TRIM44: variants seen among roughly 807,000 people sequenced by gnomAD.
The protein encoded by TRIM44 is tripartite motif-containing protein 44.
TRIM44 carries 13 observed loss-of-function variants against 37.4 expected under a neutral mutation model. The observed-to-expected ratio is 0.35, with a 90% confidence interval of 0.23 to 0.55. The LOEUF (loss-of-function observed/expected upper bound fraction) is 0.55, where lower values mean the gene tolerates loss of function less well. Ranked by LOEUF, TRIM44 falls within the 20% of genes least tolerant of loss-of-function variation. The pLI, the probability that TRIM44 is intolerant of heterozygous loss-of-function variation, is 0.89. For synonymous variants in TRIM44, 175 were observed against 157.2 expected (o/e 1.11, Z -0.85); for missense variants, 426 against 437.2 (o/e 0.97, Z 0.23).
At chr11:35,758,063 T>C (rs575728545) in intron 4 of TRIM44, among the ~76,000 whole-genome samples, 1 of 152,328 alleles carries the variant, frequency 6.6e-6, no homozygotes, top group Admixed American at 6.5e-5. Flanking sequence ...TTGCTAACTT[T>C]CTGTCTCGTT....
intron 1 of TRIM44, among the ~76,000 whole-genome samples, chr11:35,684,254 C>G (rs535456074): frequency 6.6e-6 from 1 of 151,608 alleles, no homozygotes; most frequent in South Asian, 2.1e-4. Flanking sequence ...ATTTCAAAGA[C>G]CTAGCATAAA....
intron 4 of TRIM44, among the ~76,000 whole-genome samples, chr11:35,739,086 ATGT>A (rs1852360542): frequency 6.6e-6 from 1 of 152,152 alleles, no homozygotes; most frequent in Admixed American, 6.6e-5. Flanking sequence ...AGGGGACCAA[ATGT>A]TGTGCTTTTA....
intron 2 of TRIM44, among the ~76,000 whole-genome samples, chr11:35,714,731 G>T (rs1455339842): frequency 6.6e-6 from 1 of 152,178 alleles, no homozygotes; most frequent in Non-Finnish European, 1.5e-5. Context: ...CTTAAAAATA[G>T]TATAAATTCT....
At chr11:35,696,766 G>A (rs1033986759) in intron 2 of TRIM44, among the ~76,000 whole-genome samples, 1 of 151,410 alleles carries the variant, frequency 6.6e-6, no homozygotes, top group Admixed American at 6.6e-5. Flanking sequence ...AGAATTGCTT[G>A]AACCCAGGAG....
chr11:35,681,189 A>G (rs1392598257), intron 1 of TRIM44, among the ~76,000 whole-genome samples: 1 of 152,198 alleles, frequency 6.6e-6, no homozygotes, highest in Admixed American at 6.5e-5. Flanking sequence ...ATGCCAGTGA[A>G]AGAGTATAAG....
intron 2 of TRIM44, among the ~76,000 whole-genome samples, chr11:35,700,014 G>T (rs1590518704): frequency 6.6e-6 from 1 of 152,106 alleles, no homozygotes; most frequent in African/African-American, 2.4e-5. Context: ...CGTGAAAATG[G>T]CCATACTGCC....
chr11:35,755,365 T>C (rs2133855792), intron 4 of TRIM44, among the ~76,000 whole-genome samples: 1 of 152,212 alleles, frequency 6.6e-6, no homozygotes, highest in Non-Finnish European at 1.5e-5. Flanking sequence ...TGTTTTTTTC[T>C]GTAAATTTGT....
rs1490225188 is a variant in TRIM44, at chr11:35,806,936, G to A, written c.*551G>A. Reference sequence around the variant, plus strand: ...TTAAGATGGATGACTGGAAAAAGGTGTTGGAGAAAGAGTTAAAGATGAGGA... The same window carrying A: ...TTAAGATGGATGACTGGAAAAAGGTATTGGAGAAAGAGTTAAAGATGAGGA... On this transcript the variant is annotated 3_prime_UTR_variant, in exon 5 of 5. Coordinates refer to ENST00000299413, the MANE Select transcript of TRIM44 (RefSeq NM_017583.6). The A allele has an allele frequency of 6.6e-6, 1 of 152,608 alleles. No homozygotes were observed. The highest frequency in any genetic ancestry group is 6.5e-5 in the Admixed American group (1 of 15,338). 9.5% of individuals were successfully genotyped at this position (152,608 alleles called of 1,614,324 possible).
chr11:35,783,779 T>C (rs1318333005), intron 4 of TRIM44, among the ~76,000 whole-genome samples: 2 of 152,186 alleles, frequency 1.3e-5, no homozygotes, highest in African/African-American at 2.4e-5. Flanking sequence ...TCACTATGCC[T>C]ATCAGTGAAC....
intron 2 of TRIM44, among the ~76,000 whole-genome samples, chr11:35,714,432 C>G (rs576750510): frequency 2.6e-5 from 4 of 152,156 alleles, no homozygotes; most frequent in African/African-American, 9.7e-5. Context: ...GTCCTCAAAC[C>G]CCTTTCTCTA....
chr11:35,759,814 A>G (rs1010790304), intron 4 of TRIM44, among the ~76,000 whole-genome samples: 2 of 152,128 alleles, frequency 1.3e-5, no homozygotes, highest in Admixed American at 1.3e-4. Context: ...AACAGCATAT[A>G]TTGGTGAACA....
chr11:35,711,135 C>T (rs908490196), intron 2 of TRIM44, among the ~76,000 whole-genome samples: 17 of 152,252 alleles, frequency 1.1e-4, no homozygotes, highest in Admixed American at 1.1e-3. Context: ...TTGCACAACT[C>T]TGGGAATATA....
intron 1 of TRIM44, among the ~76,000 whole-genome samples, chr11:35,675,584 C>G (rs1309245231): frequency 6.6e-6 from 1 of 152,142 alleles, no homozygotes; most frequent in Non-Finnish European, 1.5e-5. Flanking sequence ...CGGAGTGGCA[C>G]GATGTCGGCT....
chr11:35,674,664 A>G (rs570586006), intron 1 of TRIM44, among the ~76,000 whole-genome samples: 1 of 152,200 alleles, frequency 6.6e-6, no homozygotes, highest in Admixed American at 6.5e-5. Flanking sequence ...AGAGAATGAT[A>G]TTTTATTTTC....
intron 4 of TRIM44, among the ~76,000 whole-genome samples, chr11:35,785,255 G>A (rs1449686248): frequency 6.6e-6 from 1 of 152,214 alleles, no homozygotes; most frequent in Non-Finnish European, 1.5e-5. Context: ...ACAGCAAGCG[G>A]CAAAAACCTT....
At chr11:35,711,787 T>C (rs1376660215) in intron 2 of TRIM44, among the ~76,000 whole-genome samples, 2 of 152,076 alleles carry the variant, frequency 1.3e-5, no homozygotes, top group African/African-American at 4.8e-5. Context: ...CTCCTATAAA[T>C]TGTGGCTGCT....
chr11:35,755,108 T>C (rs1303558314), intron 4 of TRIM44, among the ~76,000 whole-genome samples: 1 of 152,214 alleles, frequency 6.6e-6, no homozygotes, highest in Admixed American at 6.5e-5. Flanking sequence ...TGGACTAGTT[T>C]ACACTCCCAC....
intron 4 of TRIM44, among the ~76,000 whole-genome samples, chr11:35,746,243 CTA>C (rs754430191): frequency 2.6e-4 from 40 of 152,108 alleles, no homozygotes; most frequent in Non-Finnish European, 4.4e-4. Flanking sequence ...CAACTTCAGT[CTA>C]TGTTTTAAGA....
intron 4 of TRIM44, among the ~76,000 whole-genome samples, chr11:35,768,970 G>C (rs1434667248): frequency 6.6e-6 from 1 of 152,146 alleles, no homozygotes; most frequent in Non-Finnish European, 1.5e-5. Flanking sequence ...TTAAAAATTA[G>C]AAAATGTCAC....
Sources: gnomAD v4.1 joint callset for allele counts (sites outside exome capture counted in the v4.1 genomes callset) on GRCh38, gnomAD v4.1.1 for gene constraint, MANE v1.5 for transcripts, NCBI Gene and HGNC (gene_info 2026-07-23, HGNC 2026-07-21) for gene names.